Variants in SKAP1 observed in about 807,000 individuals in gnomAD.
The protein encoded by SKAP1 is src kinase associated phosphoprotein 1.
In SKAP1, 44 loss-of-function variants were observed where a neutral mutation model predicts 58.5. That is an observed-to-expected ratio of 0.75 (90% CI 0.59 to 0.97). The LOEUF (loss-of-function observed/expected upper bound fraction) is 0.97. Ranked by LOEUF, SKAP1 falls within the 50% of genes least tolerant of loss-of-function variation. SKAP1 has a pLI of 0.00. For synonymous variants in SKAP1, 127 were observed against 149.7 expected (o/e 0.85, Z 1.11); for missense variants, 390 against 435.2 (o/e 0.90, Z 0.92).
intron 4 of SKAP1, chr17:48,294,624 C>G (rs1464284569): frequency 6.6e-6 from 1 of 152,112 alleles, no homozygotes; most frequent in Non-Finnish European, 1.5e-5. Flanking sequence ...CAAGATTCCT[C>G]CAAAAGTCAC....
intron 3 of SKAP1, among the ~76,000 whole-genome samples, chr17:48,356,921 A>G (rs920783942): frequency 6.6e-6 from 1 of 152,174 alleles, no homozygotes. Context: ...CAAACTATAC[A>G]CACTAGTTTG....
intron 4 of SKAP1, among the ~76,000 whole-genome samples, chr17:48,200,166 G>A (rs542923600): frequency 5.1e-4 from 77 of 151,730 alleles, no homozygotes; most frequent in Non-Finnish European, 9.3e-4. Context: ...GTGTGGTGGC[G>A]CACACCTGTA....
At chr17:48,435,450 C>A in the SKAP1 span, among the ~76,000 whole-genome samples, 500 of 152,280 alleles carry the variant, frequency 3.3e-3, no homozygotes, top group Non-Finnish European at 5.1e-3. Context: ...GATGTGGAAA[C>A]AGTCTGTGTA....
the SKAP1 span, among the ~76,000 whole-genome samples, chr17:48,444,025 T>C: frequency 2.8e-4 from 42 of 152,264 alleles, no homozygotes; most frequent in Non-Finnish European, 4.3e-4. Flanking sequence ...TGAGAGTAAA[T>C]TACAGTCATC....
intron 11 of SKAP1, chr17:48,156,404 G>A (rs1051433277): frequency 2.4e-6 from 1 of 408,472 alleles, no homozygotes; most frequent in Non-Finnish European, 5.1e-6. Context: ...GCTCTCAGGA[G>A]CCATTGGTTA....
At chr17:48,193,193 C>T (rs149011452) in intron 4 of SKAP1, among the ~76,000 whole-genome samples, 2 of 152,244 alleles carry the variant, frequency 1.3e-5, no homozygotes, top group East Asian at 3.9e-4. Context: ...AGGCATGCAC[C>T]ACCATGCCTG....
intron 11 of SKAP1, among the ~76,000 whole-genome samples, chr17:48,140,993 G>A (rs1202750998): frequency 6.6e-6 from 1 of 151,842 alleles, no homozygotes; most frequent in African/African-American, 2.4e-5. Context: ...CACCATATTG[G>A]CCAGGCTAGT....
At chr17:48,205,037 T>TTTTCTTTCTTTCTTTCTC (rs1567820035) in intron 4 of SKAP1, among the ~76,000 whole-genome samples, 4 of 55,746 alleles carry the variant, frequency 7.2e-5, no homozygotes, top group East Asian at 5.7e-4. Context: ...CTTTCTTTCT[T>TTTTCTTTCTTTCTTTCTC]TCTCTCTCTC....
chr17:48,223,625 G>A (rs2065030234), intron 4 of SKAP1, among the ~76,000 whole-genome samples: 1 of 152,166 alleles, frequency 6.6e-6, no homozygotes, highest in East Asian at 1.9e-4. Flanking sequence ...GCACAGAAAT[G>A]CCTGCAAATT....
intron 2 of SKAP1, among the ~76,000 whole-genome samples, chr17:48,384,418 A>G (rs538467715): frequency 6.6e-6 from 1 of 152,300 alleles, no homozygotes; most frequent in East Asian, 1.9e-4. Context: ...CTGACTGACA[A>G]GGGCCTAAAC....
chr17:48,190,431 T>C (rs1013836399), intron 4 of SKAP1, among the ~76,000 whole-genome samples: 8 of 152,124 alleles, frequency 5.3e-5, no homozygotes, highest in Non-Finnish European at 1.0e-4. Context: ...AATTTTTTTG[T>C]GGATATAAGT....
At chr17:48,350,487 G>C (rs1405817512) in intron 3 of SKAP1, among the ~76,000 whole-genome samples, 2 of 152,074 alleles carry the variant, frequency 1.3e-5, no homozygotes, top group Non-Finnish European at 2.9e-5. Context: ...CCTGAGTTTC[G>C]GGTTTGAGAC....
chr17:48,165,379 TTTTC>T (rs143644816), intron 10 of SKAP1, among the ~76,000 whole-genome samples: 106,789 of 127,990 alleles, frequency 0.83, 44,156 homozygotes, highest in Admixed American at 0.88. Flanking sequence ...CTTTCTTTTC[TTTTC>T]TTTCTTTCTT....
At chr17:48,277,261 G>T (rs1248513499) in intron 4 of SKAP1, among the ~76,000 whole-genome samples, 3 of 152,134 alleles carry the variant, frequency 2.0e-5, no homozygotes, top group African/African-American at 7.2e-5. Flanking sequence ...TTATCAAGTG[G>T]ACATTCAGCA....
chr17:48,439,970 C>A, the SKAP1 span, among the ~76,000 whole-genome samples: 4 of 152,318 alleles, frequency 2.6e-5, no homozygotes, highest in Admixed American at 2.6e-4. Flanking sequence ...CTGTTAGAGA[C>A]AGGTGGGCCC....
chr17:48,300,625 T>A (rs2066045136), intron 4 of SKAP1, among the ~76,000 whole-genome samples: 1 of 152,214 alleles, frequency 6.6e-6, no homozygotes, highest in Non-Finnish European at 1.5e-5. Flanking sequence ...ATGAAGTGGA[T>A]CAGAATCTTT....
rs138927575 is a variant in SKAP1 at position 48,326,096 on chromosome 17, AGTTAT to A, written c.280+19804_280+19808del. Among the ~76,000 whole-genome samples the A allele has an allele frequency of 3.7e-3, 566 of 152,376 alleles. 17 individuals carry two copies. Among genetic ancestry groups the A allele is most frequent in the East Asian group, 0.029 (149 of 5,192 alleles). ...GTAGAATATAGGGAAATTTAAAAAT[AGTTAT>A]GTTATATTAATGTTATAACACTTTG... On this transcript the variant is annotated intron_variant, in intron 4 of 12. Transcript: ENST00000336915.
intron 3 of SKAP1, among the ~76,000 whole-genome samples, chr17:48,361,530 T>C (rs2066939503): frequency 6.6e-6 from 1 of 152,200 alleles, no homozygotes; most frequent in Non-Finnish European, 1.5e-5. Context: ...TTTTAAAATG[T>C]GTGCTACTAA....
chr17:48,301,766 C>T (rs568715045), intron 4 of SKAP1, among the ~76,000 whole-genome samples: 1 of 152,232 alleles, frequency 6.6e-6, no homozygotes, highest in East Asian at 1.9e-4. Context: ...CGTGAGCTAC[C>T]GCACCCAGTC....
Sources: allele counts gnomAD v4.1 joint callset (sites outside exome capture counted in the v4.1 genomes callset), GRCh38; gene constraint gnomAD v4.1.1; transcripts MANE v1.5; gene names NCBI Gene and HGNC (gene_info 2026-07-23, HGNC 2026-07-21).